DLG2: variants seen among roughly 807,000 people sequenced by gnomAD.
The protein encoded by DLG2 is discs large MAGUK scaffold protein 2, also known as disks large homolog 2.
In DLG2, 45 loss-of-function variants were observed where a neutral mutation model predicts 132.5. The ratio of observed to expected loss-of-function variants is 0.34; its 90% confidence interval spans 0.27 to 0.44. DLG2 has a LOEUF of 0.44. Among genes scored for constraint, DLG2 ranks in the 20% least tolerant of loss-of-function variants. DLG2 has a pLI of 1.00. For synonymous variants in DLG2, 424 were observed against 419.6 expected, an observed-to-expected ratio of 1.01 and a Z score of -0.13; for missense variants, 1,045 against 1,196.9, an observed-to-expected ratio of 0.87 and a Z score of 1.87.
intron 6 of DLG2, among the ~76,000 whole-genome samples, chr11:84,661,829 T>C (rs2099694703): frequency 6.6e-6 from 1 of 152,104 alleles, no homozygotes; most frequent in Non-Finnish European, 1.5e-5. Flanking sequence ...TTAAAGATGT[T>C]CAATATAAAT....
intron 15 of DLG2, among the ~76,000 whole-genome samples, chr11:83,878,652 G>A (rs2065368607): frequency 6.6e-6 from 1 of 152,102 alleles, no homozygotes; most frequent in South Asian, 2.1e-4. Context: ...CTTAATAAAG[G>A]AACTTCTCTG....
At chr11:85,116,776 T>C (rs2073654289) in intron 5 of DLG2, among the ~76,000 whole-genome samples, 1 of 151,918 alleles carries the variant, frequency 6.6e-6, no homozygotes, top group East Asian at 1.9e-4. Context: ...AATATTCAAA[T>C]AAATTACCAA....
intron 18 of DLG2, among the ~76,000 whole-genome samples, chr11:83,678,975 C>A (rs565106572): frequency 5.3e-5 from 8 of 152,172 alleles, no homozygotes; most frequent in African/African-American, 1.9e-4. Context: ...TCCCTAAACT[C>A]TGAGAGGGAT....
intron 3 of DLG2, among the ~76,000 whole-genome samples, chr11:85,589,724 C>A (rs2079190791): frequency 6.6e-6 from 1 of 152,098 alleles, no homozygotes; most frequent in Admixed American, 6.5e-5. Context: ...TGTCTCCAGG[C>A]AGCCTGCACA....
intron 17 of DLG2, among the ~76,000 whole-genome samples, chr11:83,795,619 G>A (rs911158485): frequency 1.3e-5 from 2 of 152,120 alleles, no homozygotes; most frequent in Non-Finnish European, 2.9e-5. Flanking sequence ...GTGAAGATGA[G>A]TGGTTTACCA....
chr11:84,907,633 C>A (rs765303973), intron 6 of DLG2, among the ~76,000 whole-genome samples: 1 of 152,010 alleles, frequency 6.6e-6, no homozygotes. Flanking sequence ...AGGGATCCAC[C>A]GAGGAGATTA....
intron 7 of DLG2, among the ~76,000 whole-genome samples, chr11:84,349,239 T>C (rs1422298388): frequency 6.6e-6 from 1 of 152,086 alleles, no homozygotes; most frequent in African/African-American, 2.4e-5. Context: ...GAAGTAGGGG[T>C]GCTGGGGACA....
Position 84,099,040 on chromosome 11 carries a change from G to A in DLG2, c.632C>T (p.Ser211Phe). The change falls in exon 10 of 28, where the codon TCT becomes TTT. Residue 211 changes from serine (S) to phenylalanine (F), a missense_variant. Physicochemically the swap from Ser to Phe is radical, Grantham distance 155 (BLOSUM62 -2). Transcript: ENST00000376104. Reference sequence around the variant, plus strand: ...CCCAGCAATACTGAATCCCAGGCCAGAATTCCCCTATAGAAACAAAAAGCA... The same window carrying A: ...CCCAGCAATACTGAATCCCAGGCCAAAATTCCCCTATAGAAACAAAAAGCA... Reference protein sequence around the residue: ...FEEITLERGNSGLGFSIAGGT... With the variant: ...FEEITLERGNFGLGFSIAGGT... The A allele has an allele frequency of 1.2e-6, 2 of 1,613,006 alleles. No individual in the cohort carries two copies. Among genetic ancestry groups the A allele is most frequent in the Non-Finnish European group, 1.7e-6 (2 of 1,179,252 alleles).
chr11:85,192,156 C>A (rs2080639945), intron 4 of DLG2, among the ~76,000 whole-genome samples: 1 of 152,176 alleles, frequency 6.6e-6, no homozygotes. Flanking sequence ...ATATCCCATT[C>A]TTTCCACTTA....
intron 3 of DLG2, among the ~76,000 whole-genome samples, chr11:85,417,079 T>C (rs2089928530): frequency 6.6e-6 from 1 of 152,150 alleles, no homozygotes; most frequent in Non-Finnish European, 1.5e-5. Flanking sequence ...GACTGTGAGT[T>C]TGTCATAAAT....
At chr11:85,099,056 G>A (rs1222317269) in intron 6 of DLG2, among the ~76,000 whole-genome samples, 1 of 152,196 alleles carries the variant, frequency 6.6e-6, no homozygotes, top group Non-Finnish European at 1.5e-5. Context: ...CCTCCTTGAG[G>A]AGCTACAGCA....
intron 16 of DLG2, among the ~76,000 whole-genome samples, chr11:83,835,913 A>C (rs895543656): frequency 2.0e-5 from 3 of 152,142 alleles, no homozygotes; most frequent in East Asian, 3.9e-4. Flanking sequence ...ACACACACAC[A>C]CCCCTATGGT....
intron 19 of DLG2, among the ~76,000 whole-genome samples, chr11:83,546,900 T>C (rs947343125): frequency 1.3e-5 from 2 of 152,122 alleles, no homozygotes; most frequent in African/African-American, 4.8e-5. Flanking sequence ...GAAATACAGA[T>C]TTGGATAATT....
At chr11:84,263,920 C>T (rs1428752965) in intron 7 of DLG2, among the ~76,000 whole-genome samples, 1 of 152,130 alleles carries the variant, frequency 6.6e-6, no homozygotes, top group Non-Finnish European at 1.5e-5. Flanking sequence ...TGTTTCTAAA[C>T]AATGGCACTT....
intron 11 of DLG2, among the ~76,000 whole-genome samples, chr11:83,984,362 T>C (rs1229314679): frequency 1.3e-5 from 2 of 152,142 alleles, no homozygotes; most frequent in East Asian, 3.8e-4. Context: ...TGTTTCTGAA[T>C]GTACACAACT....
At chr11:84,335,965 T>C (rs541847963) in intron 7 of DLG2, among the ~76,000 whole-genome samples, 1 of 152,312 alleles carries the variant, frequency 6.6e-6, no homozygotes, top group South Asian at 2.1e-4. Flanking sequence ...GAAAAGATAC[T>C]AGCCCCACCA....
At chr11:85,033,380 T>G (rs1476033432) in intron 6 of DLG2, among the ~76,000 whole-genome samples, 1 of 88,100 alleles carries the variant, frequency 1.1e-5, no homozygotes, top group Admixed American at 1.4e-4. Flanking sequence ...AAACAATATA[T>G]CCTAGCAAAA....
chr11:83,784,969 G>A (rs1363977542), intron 18 of DLG2, among the ~76,000 whole-genome samples: 2 of 152,228 alleles, frequency 1.3e-5, no homozygotes, highest in East Asian at 1.9e-4. Context: ...GGAAGATTCC[G>A]ATGAAAAAGT....
intron 3 of DLG2, among the ~76,000 whole-genome samples, chr11:85,493,144 T>C (rs114344489): frequency 6.6e-6 from 1 of 152,190 alleles, no homozygotes; most frequent in Non-Finnish European, 1.5e-5. Flanking sequence ...TGAGTACTGA[T>C]GAGTTGATTA....
Sources: gnomAD v4.1 joint callset for allele counts (sites outside exome capture counted in the v4.1 genomes callset) on GRCh38, gnomAD v4.1.1 for gene constraint, MANE v1.5 for transcripts, NCBI Gene and HGNC (gene_info 2026-07-23, HGNC 2026-07-21) for gene names.